The following SASH1 variants were observed in gnomAD, a reference collection of about 807,000 sequenced individuals.
The protein encoded by SASH1 is SAM and SH3 domain-containing protein 1.
In SASH1, 44 loss-of-function variants were observed where a neutral mutation model predicts 125.2. The ratio of observed to expected loss-of-function variants is 0.35; its 90% CI spans 0.28 to 0.45. The LOEUF (loss-of-function observed/expected upper bound fraction) is 0.45, where lower values mean the gene tolerates loss of function less well. SASH1 is among the 20% of genes least tolerant of loss of function. The pLI is 1.00. For missense variants in SASH1, 1,426 were observed against 1,614.5 expected, an observed-to-expected ratio of 0.88 and a Z score of 2.00; for synonymous variants, 639 against 649.1, an observed-to-expected ratio of 0.98 and a Z score of 0.24.
chr6:148,387,164 C>A (rs1783407710), intron 1 of SASH1, among the ~76,000 whole-genome samples: 1 of 135,200 alleles, frequency 7.4e-6, no homozygotes, highest in South Asian at 2.3e-4. Context: ...GTTGCCCAGG[C>A]TAGAGTGCAG....
chr6:148,513,161 T>C, intron 8 of SASH1: 1 of 985,468 alleles, frequency 1.0e-6, no homozygotes. Context: ...TAGTGAGAGC[T>C]TTTCTTTGGG....
the SASH1 span, among the ~76,000 whole-genome samples, chr6:148,204,053 C>T: frequency 2.0e-4 from 30 of 152,192 alleles, no homozygotes; most frequent in African/African-American, 7.2e-4. Flanking sequence ...TTCTCCACTG[C>T]GGCTTCCTAC....
intron 2 of SASH1, among the ~76,000 whole-genome samples, chr6:148,391,902 T>C (rs923050792): frequency 2.6e-5 from 4 of 152,166 alleles, no homozygotes; most frequent in Admixed American, 2.0e-4. Context: ...TGTCTCCTCA[T>C]CCAGACCTGT....
chr6:148,443,318 A>G (rs982960352), intron 4 of SASH1, among the ~76,000 whole-genome samples: 6 of 150,616 alleles, frequency 4.0e-5, no homozygotes, highest in African/African-American at 1.5e-4. Flanking sequence ...AGTGCATTAT[A>G]TCGGGGGCCC....
At chr6:148,276,339 A>G (rs1779182302) in intron 1 of SASH1, among the ~76,000 whole-genome samples, 1 of 152,226 alleles carries the variant, frequency 6.6e-6, no homozygotes, top group South Asian at 2.1e-4. Context: ...TGAAGCCAGA[A>G]GGAACTTGCG....
At chr6:148,361,600 CA>C (rs35772475) in intron 1 of SASH1, among the ~76,000 whole-genome samples, 115,677 of 148,252 alleles carry the variant, frequency 0.78, 44,964 homozygotes, top group South Asian at 0.82. Flanking sequence ...AACTCTGTCT[CA>C]AAAAAAAAAA....
At chr6:148,444,316 A>C (rs918561755) in intron 4 of SASH1, among the ~76,000 whole-genome samples, 1 of 152,222 alleles carries the variant, frequency 6.6e-6, no homozygotes, top group East Asian at 1.9e-4. Flanking sequence ...ACAGGGTTTA[A>C]AGTCTCAAGT....
Position 148,400,432 on chromosome 6 carries a change from A to G in SASH1, c.285+10170A>G, listed in dbSNP as rs115781512. ...TGATCTCTCACCACAGCTCCTGTACACCGAAATGACTAACAGTAGAGAGAA... is the reference window on the plus strand; with the variant it reads ...TGATCTCTCACCACAGCTCCTGTACGCCGAAATGACTAACAGTAGAGAGAA... On this transcript the variant is annotated intron_variant, in intron 2 of 19. Transcript: ENST00000367467. Among the ~76,000 whole-genome samples the G allele has an allele frequency of 8.7e-3, 1,319 of 152,322 alleles. 22 individuals carry two copies. The highest frequency in any genetic ancestry group is 0.029 in the African/African-American group (1,212 of 41,574).
chr6:148,389,275 A>G (rs1230633236), intron 1 of SASH1, among the ~76,000 whole-genome samples: 1 of 152,224 alleles, frequency 6.6e-6, no homozygotes, highest in Non-Finnish European at 1.5e-5. Context: ...AGTGTTCCTC[A>G]GAGGTTGAGA....
chr6:148,328,018 G>A lies in SASH1; in HGVS notation n.74+55641G>A, dbSNP rs117913561. On this transcript the variant is annotated intron_variant and non_coding_transcript_variant, in intron 1 of 3. Coordinates refer to the SASH1 transcript ENST00000367469. Reference sequence around the variant, plus strand: ...TGAGTGGCAAATTAGAGAATTATACGTGAAGTGTTTTATGGCAGTTTTTCG... The same window carrying A: ...TGAGTGGCAAATTAGAGAATTATACATGAAGTGTTTTATGGCAGTTTTTCG... Among the ~76,000 whole-genome samples the A allele has an allele frequency of 5.9e-4, 89 of 151,952 alleles. 1 individual carries two copies. The East Asian group carries it at 0.015, about 25-fold the overall frequency.
At chr6:148,339,654 C>T (rs1166742519), upstream of SASH1, among the ~76,000 whole-genome samples, 1 of 151,786 alleles carries the variant, frequency 6.6e-6, no homozygotes, top group Non-Finnish European at 1.5e-5. Context: ...AAGCGATTCT[C>T]CTGTCTCAGC....
rs367878572 is a variant in SASH1 at position 148,393,171 on chromosome 6, C to T, written c.285+2909C>T. 2.2e-3 allele frequency among the ~76,000 whole-genome samples: 330 copies of T among 151,192 alleles called. 3 individuals carry two copies. The highest frequency in any genetic ancestry group is 7.0e-3 in the African/African-American group (288 of 41,190). ...AACTGATTCTCCTGCCTCAGCCTCC[C>T]GAGTAGCTGGGATTACAGGTGCCCA... On this transcript the variant is annotated intron_variant, in intron 2 of 19. Transcript: ENST00000367467.
chr6:148,301,044 T>A (rs1420180760), intron 1 of SASH1, among the ~76,000 whole-genome samples: 1 of 151,438 alleles, frequency 6.6e-6, no homozygotes, highest in East Asian at 2.0e-4. Flanking sequence ...AACCTCCTCC[T>A]CGGCCGGGCT....
chr6:148,293,211 A>G (rs866013463), intron 1 of SASH1, among the ~76,000 whole-genome samples: 1 of 152,196 alleles, frequency 6.6e-6, no homozygotes, highest in African/African-American at 2.4e-5. Context: ...GTAGGTGCTC[A>G]GTGCTGCTGG....
At chr6:148,304,715 G>C (rs1185512748) in intron 1 of SASH1, among the ~76,000 whole-genome samples, 1 of 152,134 alleles carries the variant, frequency 6.6e-6, no homozygotes, top group Non-Finnish European at 1.5e-5. Flanking sequence ...ACAACTTCTA[G>C]AAAAGCTTAT....
chr6:148,214,449 T>C, the SASH1 span, among the ~76,000 whole-genome samples: 1 of 152,210 alleles, frequency 6.6e-6, no homozygotes, highest in Non-Finnish European at 1.5e-5. Context: ...TTACTCTATA[T>C]CTCTATACTT....
chr6:148,219,453 C>T, the SASH1 span, among the ~76,000 whole-genome samples: 1 of 152,164 alleles, frequency 6.6e-6, no homozygotes, highest in Non-Finnish European at 1.5e-5. Context: ...TCTTCTGACG[C>T]TATGATGATT....
At chr6:148,268,147 A>G (rs1367185282), upstream of SASH1, among the ~76,000 whole-genome samples, 2 of 152,214 alleles carry the variant, frequency 1.3e-5, no homozygotes, top group Non-Finnish European at 2.9e-5. Flanking sequence ...ATTTGCAATG[A>G]TAAGAAACTT....
At chr6:148,194,025 G>C in the SASH1 span, among the ~76,000 whole-genome samples, 1 of 152,152 alleles carries the variant, frequency 6.6e-6, no homozygotes, top group Non-Finnish European at 1.5e-5. Flanking sequence ...TTTCTCTAAG[G>C]TGTGTATACA....
Sources: allele counts gnomAD v4.1 joint callset (sites outside exome capture counted in the v4.1 genomes callset), GRCh38; gene constraint gnomAD v4.1.1; transcripts MANE v1.5; gene names NCBI Gene and HGNC (gene_info 2026-07-23, HGNC 2026-07-21).